The following MAF variants were observed in gnomAD, a reference collection of about 807,000 sequenced individuals.
MAF encodes transcription factor Maf.
In MAF, 10 loss-of-function variants were observed where a neutral mutation model predicts 22.0. The observed-to-expected ratio is 0.45, with a 90% CI of 0.28 to 0.77. The LOEUF (loss-of-function observed/expected upper bound fraction) is 0.77, where lower values mean the gene tolerates loss of function less well. MAF is among the 30% of genes least tolerant of loss of function. MAF has a pLI of 0.12. For missense variants in MAF, 544 were observed against 548.4 expected (o/e 0.99, Z 0.08); for synonymous variants, 337 against 255.8 (o/e 1.32, Z -3.03).
the MAF span, among the ~76,000 whole-genome samples, chr16:79,239,162 T>C: frequency 2.0e-5 from 3 of 152,112 alleles, no homozygotes; most frequent in African/African-American, 7.2e-5. Flanking sequence ...CAGCTCCTGA[T>C]TTTGTAACTC....
At chr16:79,363,833 G>A in the MAF span, among the ~76,000 whole-genome samples, 259 of 152,282 alleles carry the variant, frequency 1.7e-3, 2 homozygotes, top group African/African-American at 5.9e-3. Flanking sequence ...AGGAAGAGAA[G>A]GAACAAATAT....
chr16:79,207,972 A>T, the MAF span, among the ~76,000 whole-genome samples: 2 of 152,318 alleles, frequency 1.3e-5, no homozygotes, highest in African/African-American at 4.8e-5. Context: ...GGAAGGATGG[A>T]TAATTTAGAT....
At chr16:79,591,934 A>G (rs1487149218), downstream of MAF, among the ~76,000 whole-genome samples, 2 of 151,936 alleles carry the variant, frequency 1.3e-5, no homozygotes, top group Non-Finnish European at 1.5e-5. Flanking sequence ...TTAGTCCCCA[A>G]AATTGTTTTC....
chr16:79,228,798 G>A, the MAF span, among the ~76,000 whole-genome samples: 1 of 151,958 alleles, frequency 6.6e-6, no homozygotes, highest in Non-Finnish European at 1.5e-5. Context: ...GGTTAGGGCA[G>A]GGGGAGGTCC....
chr16:79,400,465 C>T, the MAF span, among the ~76,000 whole-genome samples: 2 of 152,252 alleles, frequency 1.3e-5, no homozygotes, highest in Non-Finnish European at 2.9e-5. Flanking sequence ...GTGCTCATAG[C>T]ACAGTGCCTG....
At chr16:79,567,029 C>T in the MAF span, among the ~76,000 whole-genome samples, 3 of 152,160 alleles carry the variant, frequency 2.0e-5, no homozygotes, top group Middle Eastern at 3.2e-3. Flanking sequence ...AATTGAGATG[C>T]AAACATTAGG....
chr16:79,257,099 C>T, the MAF span, among the ~76,000 whole-genome samples: 3 of 152,124 alleles, frequency 2.0e-5, no homozygotes, highest in Admixed American at 6.5e-5. Context: ...ATTGCTTGAA[C>T]TCAGGAGATG....
At chr16:79,437,140 C>CTG in the MAF span, among the ~76,000 whole-genome samples, 2,613 of 25,866 alleles carry the variant, frequency 0.1, 62 homozygotes, top group African/African-American at 0.17. Flanking sequence ...AAAGCTCTCT[C>CTG]TCTCTCTGTG....
the MAF span, among the ~76,000 whole-genome samples, chr16:79,441,198 T>C: frequency 6.6e-6 from 1 of 152,228 alleles, no homozygotes; most frequent in Non-Finnish European, 1.5e-5. Context: ...TTCTGAATTA[T>C]CCATTACAAA....
At chr16:79,348,247 G>A in the MAF span, among the ~76,000 whole-genome samples, 1 of 152,216 alleles carries the variant, frequency 6.6e-6, no homozygotes, top group Non-Finnish European at 1.5e-5. Context: ...GCTCAGTAAT[G>A]CTCCTCCAGT....
chr16:79,443,660 G>A, the MAF span, among the ~76,000 whole-genome samples: 2 of 152,208 alleles, frequency 1.3e-5, no homozygotes, highest in African/African-American at 2.4e-5. Context: ...ATTGGTGTGG[G>A]CCCCGTGGAG....
At chr16:79,597,402 T>C (rs1597844913) in intron 1 of MAF, 1 of 1,031,624 alleles carries the variant, frequency 9.7e-7, no homozygotes, top group East Asian at 6.0e-5. Flanking sequence ...AATGGGGCAG[T>C]TTCTCTTTTT....
chr16:79,273,949 CTTTTTTTTT>C, the MAF span, among the ~76,000 whole-genome samples: 2 of 86,452 alleles, frequency 2.3e-5, no homozygotes, highest in Non-Finnish European at 4.4e-5. Flanking sequence ...TCGTGTCTGC[CTTTTTTTTT>C]TTTTTTTTTT....
At chr16:79,475,362 A>ATATG in the MAF span, among the ~76,000 whole-genome samples, 25 of 148,806 alleles carry the variant, frequency 1.7e-4, no homozygotes, top group South Asian at 5.2e-3. Context: ...ATGTATATAT[A>ATATG]TGTGTGTGTG....
the MAF span, among the ~76,000 whole-genome samples, chr16:79,484,249 C>T: frequency 9.2e-5 from 14 of 152,198 alleles, no homozygotes; most frequent in Non-Finnish European, 1.6e-4. Flanking sequence ...GAATGCCCTC[C>T]GTCTTCTTAG....
the MAF span, among the ~76,000 whole-genome samples, chr16:79,235,122 G>C: frequency 6.6e-6 from 1 of 151,988 alleles, no homozygotes; most frequent in Non-Finnish European, 1.5e-5. Flanking sequence ...ACCATTTTTG[G>C]GGTGGTTTGT....
chr16:79,470,820 T>C, the MAF span, among the ~76,000 whole-genome samples: 1 of 152,338 alleles, frequency 6.6e-6, no homozygotes, highest in African/African-American at 2.4e-5. Flanking sequence ...GACTGAAGTT[T>C]AGCTGACGCC....
chr16:79,324,401 C>T, the MAF span, among the ~76,000 whole-genome samples: 8 of 152,144 alleles, frequency 5.3e-5, no homozygotes, highest in East Asian at 1.4e-3. Flanking sequence ...GTGTACGAAG[C>T]GCTGACTTTC....
At chr16:79,536,585 T>A in the MAF span, among the ~76,000 whole-genome samples, 1 of 152,190 alleles carries the variant, frequency 6.6e-6, no homozygotes, top group African/African-American at 2.4e-5. Context: ...GAGGTTGCAG[T>A]GAGCCCAGAT....
Sources: allele counts gnomAD v4.1 joint callset (sites outside exome capture counted in the v4.1 genomes callset), GRCh38; gene constraint gnomAD v4.1.1; transcripts MANE v1.5; gene names NCBI Gene and HGNC (gene_info 2026-07-23, HGNC 2026-07-21).